Variants in DMD observed in about 807,000 individuals in gnomAD.
The protein encoded by DMD is dystrophin, also known as mutant dystrophin.
DMD carries 63 observed loss-of-function variants against 330.1 expected under a neutral mutation model. The observed-to-expected ratio is 0.19, with a 90% CI of 0.16 to 0.24. DMD has a LOEUF of 0.24. DMD is among the 10% of genes least tolerant of loss of function. The pLI, the probability that DMD is intolerant of heterozygous loss-of-function variation, is 1.00. For missense variants in DMD, 3,344 were observed against 2,684.1 expected (o/e 1.25, Z -5.43); for synonymous variants, 1,223 against 959.8 (o/e 1.27, Z -5.07).
chrX:31,721,909 A>C (rs748133617), intron 52 of DMD, among the ~76,000 whole-genome samples: 1 of 107,604 alleles, frequency 9.3e-6, no homozygotes, highest in Non-Finnish European at 1.9e-5. Context: ...TGATTAATGC[A>C]CAATATATTT....
At chrX:31,644,532 T>C (rs1043713427) in intron 54 of DMD, among the ~76,000 whole-genome samples, 26 of 111,958 alleles carry the variant, frequency 2.3e-4, no homozygotes, top group African/African-American at 8.4e-4. Context: ...ACCTATAGAA[T>C]GTCACGTTCA....
chrX:33,278,425 G>T (rs111946753), intron 1 of DMD, among the ~76,000 whole-genome samples: 1 of 111,425 alleles, frequency 9.0e-6, no homozygotes, highest in Non-Finnish European at 1.9e-5. Flanking sequence ...AAGTGAGAAC[G>T]TGTGGTGCTT....
At chrX:31,341,883 G>GACACA (rs1491287928) in intron 61 of DMD, among the ~76,000 whole-genome samples, 9 of 53,394 alleles carry the variant, frequency 1.7e-4, no homozygotes, top group Admixed American at 6.1e-4. Flanking sequence ...GCGCGTGCGT[G>GACACA]CGCGCGCGCA....
At chrX:33,244,027 G>A (rs1166138029) in intron 1 of DMD, among the ~76,000 whole-genome samples, 1 of 112,004 alleles carries the variant, frequency 8.9e-6, no homozygotes, top group Non-Finnish European at 1.9e-5. Context: ...AATAAAAATA[G>A]GGGTTCTATA....
intron 78 of DMD, 64 bp downstream of exon 78, chrX:31,126,578 G>A (rs1601968251): frequency 9.8e-7 from 1 of 1,024,881 alleles, no homozygotes; most frequent in East Asian, 3.0e-5. Context: ...TTACACAAAC[G>A]CCAAACATAA....
intron 1 of DMD, among the ~76,000 whole-genome samples, chrX:33,056,673 T>A (rs2094522055): frequency 9.0e-6 from 1 of 111,695 alleles, no homozygotes; most frequent in Admixed American, 9.5e-5. Flanking sequence ...CCCCTGCGCT[T>A]TTTATAAATT....
intron 44 of DMD, among the ~76,000 whole-genome samples, chrX:32,038,615 C>A (rs1377047138): frequency 9.1e-6 from 1 of 109,933 alleles, no homozygotes; most frequent in East Asian, 2.9e-4. Flanking sequence ...GGAAAGCAAA[C>A]AAGGTAACCC....
At chrX:32,134,683 A>AT (rs1463826836) in intron 44 of DMD, among the ~76,000 whole-genome samples, 17 of 111,741 alleles carry the variant, frequency 1.5e-4, no homozygotes, top group African/African-American at 5.2e-4. Context: ...TTCCAGCGCT[A>AT]TATTATTTCA....
chrX:33,027,170 T>A (rs1384916461), intron 1 of DMD, among the ~76,000 whole-genome samples: 6 of 112,157 alleles, frequency 5.3e-5, no homozygotes, highest in Non-Finnish European at 1.1e-4. Context: ...AGGGAGATTA[T>A]CCCAGATTAT....
chrX:31,922,529 C>CGCGCGT (rs1569513374), intron 47 of DMD, among the ~76,000 whole-genome samples: 5 of 62,177 alleles, frequency 8.0e-5, no homozygotes, highest in African/African-American at 5.3e-4. Flanking sequence ...TGTGTGTGCG[C>CGCGCGT]GCGCGTGCGC....
chrX:32,265,549 G>T (rs903456558), intron 43 of DMD, among the ~76,000 whole-genome samples: 7 of 111,574 alleles, frequency 6.3e-5, no homozygotes, highest in Non-Finnish European at 1.1e-4. Flanking sequence ...TTGATCCACC[G>T]TGTGCATGGA....
At chrX:32,098,453 G>A (rs1219126519) in intron 44 of DMD, among the ~76,000 whole-genome samples, 3 of 111,669 alleles carry the variant, frequency 2.7e-5, no homozygotes, top group Non-Finnish European at 3.8e-5. Context: ...TGCCCACCCT[G>A]TCTTGCTAAT....
upstream of DMD, among the ~76,000 whole-genome samples, chrX:33,214,939 C>T (rs533213662): frequency 1.8e-3 from 208 of 112,493 alleles, 1 homozygote; most frequent in Admixed American, 3.1e-3. Context: ...AGGCATGAGC[C>T]ACCACACTCG....
chrX:31,732,147 A>G (rs963639252), intron 51 of DMD, among the ~76,000 whole-genome samples: 1 of 106,051 alleles, frequency 9.4e-6, no homozygotes, highest in African/African-American at 3.5e-5. Flanking sequence ...TTAAAAATCT[A>G]AGGAGGTTCA....
chrX:32,564,987 T>C (rs1193172235), intron 16 of DMD, among the ~76,000 whole-genome samples: 1 of 111,920 alleles, frequency 8.9e-6, no homozygotes, highest in East Asian at 2.8e-4. Flanking sequence ...ATAATGTTTA[T>C]ATCTTGAATG....
chrX:31,662,256 C>T (rs2081170600), intron 53 of DMD, among the ~76,000 whole-genome samples: 1 of 111,587 alleles, frequency 9.0e-6, no homozygotes. Context: ...AGGTGCCTGG[C>T]GTGCCCGAAG....
intron 9 of DMD, among the ~76,000 whole-genome samples, chrX:32,661,740 A>T (rs1165793504): frequency 9.0e-6 from 1 of 111,492 alleles, no homozygotes; most frequent in Non-Finnish European, 1.9e-5. Flanking sequence ...ATATGATTGT[A>T]TATGGCATAT....
At chrX:32,269,558 C>A (rs1411331926) in intron 43 of DMD, among the ~76,000 whole-genome samples, 2 of 111,442 alleles carry the variant, frequency 1.8e-5, no homozygotes, top group Non-Finnish European at 3.8e-5. Context: ...TATGGATTCA[C>A]TGCCAGTAAC....
chrX:33,307,159 G>A (rs1411672134), intron 1 of DMD, among the ~76,000 whole-genome samples: 2 of 111,033 alleles, frequency 1.8e-5, no homozygotes, highest in Non-Finnish European at 3.8e-5. Context: ...ATTGCAACTC[G>A]AGACAGATTT....
Sources: allele counts gnomAD v4.1 joint callset (sites outside exome capture counted in the v4.1 genomes callset), GRCh38; gene constraint gnomAD v4.1.1; transcripts MANE v1.5; gene names NCBI Gene and HGNC (gene_info 2026-07-23, HGNC 2026-07-21).